SGCZ: variants seen among roughly 807,000 people sequenced by gnomAD.
SGCZ encodes sarcoglycan zeta, also known as zeta-sarcoglycan.
SGCZ carries 40 observed loss-of-function variants against 41.3 expected under a neutral mutation model. The observed-to-expected ratio is 0.97, with a 90% CI of 0.75 to 1.26. The LOEUF is 1.26. Among genes scored for constraint, SGCZ ranks in the 50% most tolerant of loss-of-function variants. The probability of loss-of-function intolerance (pLI) is 0.00; values close to 1 mark genes in which losing one functional copy is unlikely to be tolerated. For synonymous variants in SGCZ, 206 were observed against 137.5 expected (o/e 1.50, Z -3.49); for missense variants, 552 against 369.8 (o/e 1.49, Z -4.04).
intron 1 of SGCZ, among the ~76,000 whole-genome samples, chr8:14,794,325 T>A (rs1022536452): frequency 2.0e-5 from 3 of 151,918 alleles, no homozygotes; most frequent in Non-Finnish European, 4.4e-5. Flanking sequence ...AATTCAGTCA[T>A]GAATATCAAG....
intron 5 of SGCZ, among the ~76,000 whole-genome samples, chr8:14,131,633 C>T (rs1332305214): frequency 6.6e-6 from 1 of 152,112 alleles, no homozygotes; most frequent in Non-Finnish European, 1.5e-5. Context: ...TATCCTACAT[C>T]ATGTTTGTTA....
chr8:14,669,654 G>T (rs1189879048), intron 1 of SGCZ, among the ~76,000 whole-genome samples: 1 of 151,016 alleles, frequency 6.6e-6, no homozygotes, highest in Non-Finnish European at 1.5e-5. Flanking sequence ...GGCAGCACTT[G>T]CTTCTGTCTT....
rs112628013 is a variant in SGCZ, at chr8:14,762,854, T to C, written c.40-207928A>G. ...TCTCTGTCTTCAAATGATCAGTTAG[T>C]ATAACAAGATAGAAAGAGCATAGGG... On this transcript the variant is annotated intron_variant, in intron 1 of 7. Transcript: ENST00000382080. 3.0e-3 allele frequency among the ~76,000 whole-genome samples: 457 copies of C among 152,320 alleles called. 3 individuals carry two copies. Among genetic ancestry groups the C allele is most frequent in the African/African-American group, 0.01 (436 of 41,570 alleles).
chr8:15,178,873 A>T (rs1412655091), intron 1 of SGCZ, among the ~76,000 whole-genome samples: 1 of 152,324 alleles, frequency 6.6e-6, no homozygotes, highest in South Asian at 2.1e-4. Flanking sequence ...AGAAAACTCT[A>T]TGTCCAATAA....
chr8:14,210,132 A>T (rs1228547893), intron 4 of SGCZ, among the ~76,000 whole-genome samples: 1 of 152,146 alleles, frequency 6.6e-6, no homozygotes, highest in Non-Finnish European at 1.5e-5. Flanking sequence ...ATCCTGGCTC[A>T]CAGCAACCTC....
intron 1 of SGCZ, among the ~76,000 whole-genome samples, chr8:14,940,718 G>C (rs1290394474): frequency 6.6e-6 from 1 of 151,898 alleles, no homozygotes; most frequent in Non-Finnish European, 1.5e-5. Context: ...CAACAGGTAA[G>C]TGTATTTGAC....
intron 3 of SGCZ, among the ~76,000 whole-genome samples, chr8:14,321,400 G>C (rs892346329): frequency 5.9e-5 from 9 of 152,042 alleles, no homozygotes; most frequent in Admixed American, 3.3e-4. Context: ...GAGAGGGTGA[G>C]AGGAGCTTGT....
chr8:14,942,590 G>GA (rs1160766730), intron 1 of SGCZ, among the ~76,000 whole-genome samples: 13 of 151,964 alleles, frequency 8.6e-5, no homozygotes, highest in African/African-American at 3.1e-4. Context: ...CTGTTCATTG[G>GA]AAAAAAACGA....
intron 5 of SGCZ, among the ~76,000 whole-genome samples, chr8:14,152,924 A>C (rs1380738664): frequency 2.6e-5 from 4 of 152,246 alleles, no homozygotes; most frequent in Non-Finnish European, 1.5e-5. Context: ...GAAAATCCGG[A>C]AAGGTAAGTA....
At chr8:14,600,089 T>C (rs1418753992) in intron 1 of SGCZ, among the ~76,000 whole-genome samples, 8 of 152,162 alleles carry the variant, frequency 5.3e-5, no homozygotes, top group South Asian at 2.1e-4. Flanking sequence ...CCTCATTTTA[T>C]CCCATCTAGT....
At chr8:14,090,733 C>A in intron 7 of SGCZ, 96 bp from the exon 8 acceptor site, 2 of 1,048,292 alleles carry the variant, frequency 1.9e-6, no homozygotes, top group South Asian at 3.4e-5. Flanking sequence ...AGGAAGTCGA[C>A]ACAACAAACA....
At chr8:15,192,105 C>T (rs544469340) in intron 1 of SGCZ, among the ~76,000 whole-genome samples, 29 of 152,100 alleles carry the variant, frequency 1.9e-4, no homozygotes, top group African/African-American at 6.5e-4. Context: ...TATGGTAACC[C>T]CTCCCCCAGT....
At chr8:14,316,037 A>C (rs568106381) in intron 3 of SGCZ, among the ~76,000 whole-genome samples, 1 of 152,006 alleles carries the variant, frequency 6.6e-6, no homozygotes, top group East Asian at 1.9e-4. Flanking sequence ...TACAAAAATT[A>C]GAAAATTAGT....
intron 1 of SGCZ, among the ~76,000 whole-genome samples, chr8:14,999,030 G>T (rs537662116): frequency 7.6e-4 from 115 of 152,206 alleles, no homozygotes; most frequent in Middle Eastern, 3.4e-3. Flanking sequence ...CACACTTAGG[G>T]GTGTTGTGTC....
At chr8:15,048,029 G>A (rs73205424) in intron 1 of SGCZ, among the ~76,000 whole-genome samples, 2,604 of 152,054 alleles carry the variant, frequency 0.017, 31 homozygotes, top group Middle Eastern at 0.041. Flanking sequence ...AGAGATTTCT[G>A]TATTTCCATA....
rs117298476 is a variant in SGCZ at position 14,376,813 on chromosome 8, G to A, written c.235-52609C>T. On this transcript the variant is annotated intron_variant, in intron 2 of 7. Coordinates refer to ENST00000382080, the MANE Select transcript of SGCZ (RefSeq NM_139167.4). ...TAGCTAGCAGAATTCAACATTACATGAAAAAATGATAATACATAAACAATT... is the reference window on the plus strand; with the variant it reads ...TAGCTAGCAGAATTCAACATTACATAAAAAAATGATAATACATAAACAATT... Among the ~76,000 whole-genome samples the A allele has an allele frequency of 8.4e-3, 1,275 of 152,172 alleles. 9 individuals are homozygous for A. The highest frequency in any genetic ancestry group is 0.036 in the East Asian group (186 of 5,182).
chr8:14,142,348 C>T (rs918279297), intron 5 of SGCZ, among the ~76,000 whole-genome samples: 17 of 151,926 alleles, frequency 1.1e-4, no homozygotes, highest in African/African-American at 3.9e-4. Flanking sequence ...TATGAAAACA[C>T]ATACACACAA....
chr8:14,821,733 G>C (rs1004552327), intron 1 of SGCZ, among the ~76,000 whole-genome samples: 1 of 151,924 alleles, frequency 6.6e-6, no homozygotes, highest in Non-Finnish European at 1.5e-5. Context: ...CATTTTAATA[G>C]AGGCAGAAAA....
chr8:14,578,347 T>G (rs1291104086), intron 1 of SGCZ, among the ~76,000 whole-genome samples: 1 of 152,166 alleles, frequency 6.6e-6, no homozygotes, highest in Non-Finnish European at 1.5e-5. Context: ...TGCCCACCAG[T>G]TATCAGCAGA....
Sources: gnomAD v4.1 joint callset for allele counts (sites outside exome capture counted in the v4.1 genomes callset) on GRCh38, gnomAD v4.1.1 for gene constraint, MANE v1.5 for transcripts, NCBI Gene and HGNC (gene_info 2026-07-23, HGNC 2026-07-21) for gene names.